The following CPE variants were observed in gnomAD, a reference collection of about 807,000 sequenced individuals.
CPE encodes carboxypeptidase E, also known as carbocypeptidase E.
In CPE, 17 loss-of-function variants were observed where a neutral mutation model predicts 53.5. The ratio of observed to expected loss-of-function variants is 0.32; its 90% confidence interval spans 0.22 to 0.48. The LOEUF is 0.48. Ranked by LOEUF, CPE falls within the 20% of genes least tolerant of loss-of-function variation. The probability of loss-of-function intolerance (pLI) is 0.99; values close to 1 mark genes in which losing one functional copy is unlikely to be tolerated. For synonymous variants in CPE, 226 were observed against 228.8 expected (o/e 0.99, Z 0.11); for missense variants, 524 against 614.7 (o/e 0.85, Z 1.56).
intron 1 of CPE, among the ~76,000 whole-genome samples, chr4:165,430,685 G>A (rs976140172): frequency 8.6e-5 from 13 of 151,834 alleles, no homozygotes; most frequent in Non-Finnish European, 1.8e-4. Context: ...CCTCATAAAA[G>A]AAATGCAAAA....
intron 1 of CPE, among the ~76,000 whole-genome samples, chr4:165,438,767 T>G (rs964405803): frequency 3.3e-5 from 5 of 152,206 alleles, no homozygotes; most frequent in African/African-American, 1.2e-4. Context: ...TGCCAGCTTC[T>G]TTGACTGGGG....
intron 1 of CPE, among the ~76,000 whole-genome samples, chr4:165,421,695 A>C (rs1038807028): frequency 6.6e-6 from 1 of 152,222 alleles, no homozygotes; most frequent in African/African-American, 2.4e-5. Flanking sequence ...CATTGTGCTC[A>C]CATTTTCATC....
intron 1 of CPE, among the ~76,000 whole-genome samples, chr4:165,400,886 T>C (rs951208289): frequency 1.3e-5 from 2 of 152,210 alleles, no homozygotes; most frequent in Non-Finnish European, 2.9e-5. Flanking sequence ...GGTGACCTTA[T>C]GTCTTTGTTT....
chr4:165,404,365 C>A, intron 1 of CPE: 1 of 769,418 alleles, frequency 1.3e-6, no homozygotes. Flanking sequence ...AGACTTCAGA[C>A]TTAGGAGGCA....
chr4:165,403,040 T>C (rs1404261035), intron 1 of CPE, among the ~76,000 whole-genome samples: 1 of 151,644 alleles, frequency 6.6e-6, no homozygotes, highest in Non-Finnish European at 1.5e-5. Context: ...CTGGGAAATA[T>C]CTGATCCTGA....
intron 1 of CPE, among the ~76,000 whole-genome samples, chr4:165,401,675 A>T (rs1365932560): frequency 1.3e-5 from 2 of 152,226 alleles, no homozygotes; most frequent in African/African-American, 4.8e-5. Context: ...CTTGTGGAAC[A>T]TCTGCCTTCC....
intron 6 of CPE, among the ~76,000 whole-genome samples, chr4:165,490,779 A>G (rs902933950): frequency 3.9e-5 from 6 of 152,138 alleles, no homozygotes; most frequent in Non-Finnish European, 8.8e-5. Context: ...GCAGCAAGCT[A>G]TCTGCGTGAC....
intron 3 of CPE, among the ~76,000 whole-genome samples, chr4:165,480,810 A>G (rs1428528861): frequency 2.0e-5 from 3 of 152,068 alleles, no homozygotes; most frequent in African/African-American, 7.2e-5. Flanking sequence ...TCTGTTTTCA[A>G]GCAAAAAAAG....
intron 1 of CPE, among the ~76,000 whole-genome samples, chr4:165,455,798 G>A (rs1353517350): frequency 1.1e-4 from 16 of 151,820 alleles, no homozygotes; most frequent in African/African-American, 3.1e-4. Flanking sequence ...AATTACAGGC[G>A]CCCGCCACCA....
Position 165,463,243 on chromosome 4 carries a change from G to T in CPE, c.308-1147G>T, listed in dbSNP as rs1732039661. On this transcript the variant is annotated intron_variant, in intron 1 of 8. Transcript: ENST00000402744. ...GCCTTACACATTTTAGTGGGCTGTT[G>T]TGAAGAGAAAATTAGATTATGTATG... Among the ~76,000 whole-genome samples, 2 of 152,132 alleles carry T rather than the reference G, an allele frequency of 1.3e-5. 1 individual carries two copies.
chr4:165,428,420 C>T (rs73860742), intron 1 of CPE, among the ~76,000 whole-genome samples: 44,924 of 151,904 alleles, frequency 0.3, 6,737 homozygotes, highest in Middle Eastern at 0.39. Context: ...TGAATTGTTG[C>T]TCAAAGAAAA....
At chr4:165,440,477 G>A (rs2126684891) in intron 1 of CPE, among the ~76,000 whole-genome samples, 1 of 138,858 alleles carries the variant, frequency 7.2e-6, no homozygotes, top group South Asian at 2.2e-4. Flanking sequence ...CACACAAGCT[G>A]TGGTTTCTGG....
chr4:165,426,697 C>T (rs533405800), intron 1 of CPE, among the ~76,000 whole-genome samples: 5 of 152,256 alleles, frequency 3.3e-5, no homozygotes, highest in South Asian at 2.1e-4. Flanking sequence ...GCACACTCAC[C>T]GGTTTGAGAA....
chr4:165,409,138 G>C (rs942711473), intron 1 of CPE, among the ~76,000 whole-genome samples: 2 of 152,270 alleles, frequency 1.3e-5, no homozygotes, highest in South Asian at 4.1e-4. Context: ...GTTGACGTGG[G>C]AAATGCAGAG....
intron 1 of CPE, among the ~76,000 whole-genome samples, chr4:165,442,582 A>G (rs538958595): frequency 2.6e-5 from 4 of 152,300 alleles, no homozygotes; most frequent in East Asian, 1.9e-4. Context: ...CTACCCACAT[A>G]TAGCTATTTA....
intron 1 of CPE, among the ~76,000 whole-genome samples, chr4:165,411,076 G>A (rs930606555): frequency 3.3e-5 from 5 of 152,118 alleles, no homozygotes; most frequent in African/African-American, 1.2e-4. Context: ...TTACCTAGAG[G>A]ATCTTGAGCA....
At chr4:165,388,591 T>C (rs1730634443) in intron 1 of CPE, among the ~76,000 whole-genome samples, 1 of 152,232 alleles carries the variant, frequency 6.6e-6, no homozygotes, top group Non-Finnish European at 1.5e-5. Context: ...GAGCTTATAT[T>C]GCATACTGTA....
At chr4:165,380,044 C>A (rs1225703816) in intron 1 of CPE, among the ~76,000 whole-genome samples, 1 of 152,158 alleles carries the variant, frequency 6.6e-6, no homozygotes, top group Non-Finnish European at 1.5e-5. Flanking sequence ...CATGTTTTCT[C>A]TAATTTCCAG....
At chr4:165,404,939 G>C in intron 1 of CPE, 2 of 759,264 alleles carry the variant, frequency 2.6e-6, no homozygotes, top group Non-Finnish European at 4.9e-6. Flanking sequence ...TGTGTTACTA[G>C]CAAAGACGTA....
Sources: allele counts gnomAD v4.1 joint callset (sites outside exome capture counted in the v4.1 genomes callset), GRCh38; gene constraint gnomAD v4.1.1; transcripts MANE v1.5; gene names NCBI Gene and HGNC (gene_info 2026-07-23, HGNC 2026-07-21).